Variants in MYH3 observed in about 807,000 individuals in gnomAD.
MYH3 encodes the protein myosin heavy chain 3.
Under a neutral mutation model 238.0 loss-of-function variants are expected in MYH3, and 130 were observed. The ratio of observed to expected loss-of-function variants is 0.55; its 90% CI spans 0.47 to 0.63. The LOEUF (loss-of-function observed/expected upper bound fraction) is 0.63. MYH3 is among the 30% of genes least tolerant of loss of function. The probability of loss-of-function intolerance (pLI) is 0.00; values close to 1 mark genes in which losing one functional copy is unlikely to be tolerated. For missense variants in MYH3, 1,853 were observed against 2,374.9 expected, an observed-to-expected ratio of 0.78 and a Z score of 4.57; for synonymous variants, 880 against 924.1, an observed-to-expected ratio of 0.95 and a Z score of 0.86.
chr17:10,647,118 C>A, intron 10 of MYH3, 64 bp downstream of exon 10: 1 of 1,179,318 alleles, frequency 8.5e-7, no homozygotes. Flanking sequence ...AGATACAACT[C>A]TCCTTGGTCT....
chr17:10,645,603 G>T, intron 12 of MYH3, 104 bp downstream of exon 12: 1 of 1,431,452 alleles, frequency 7.0e-7, no homozygotes, highest in African/African-American at 1.4e-5. Flanking sequence ...GATTACAGGT[G>T]TGAGCCACTG....
chr17:10,647,443 T>C lies in MYH3; in HGVS notation c.736-17A>G. ...GAACTTGCCCTGTATGGGGCGGGAT[T>C]CAGGGGGAGACCAGATTCTACCATG... On this transcript the variant is annotated splice_polypyrimidine_tract_variant and intron_variant, in intron 8 of 40. Transcript: ENST00000583535. 1.2e-6 allele frequency: 2 copies of C among 1,613,990 alleles called. No individual in the cohort carries two copies. Among genetic ancestry groups the C allele is most frequent in the African/African-American group, 2.7e-5 (2 of 75,064 alleles).
rs768983728 is a variant in MYH3 at position 10,634,089 on chromosome 17, T to C, written c.4450A>G (p.Lys1484Glu). Residue 1484 changes from lysine to glutamate, a missense_variant, in exon 32 of 41, where the codon AAA becomes GAA. Coordinates refer to ENST00000583535, the MANE Select transcript of MYH3 (RefSeq NM_002470.4). ...GCTTCCTCGTAGGCATTTTTCAGTT[T>C]GAAGAGCTCAGTGCTCAAGGAGCGG... ...ESRSLSTELF[K>E]LKNAYEEALD... is the part of the protein sequence containing the mutation. The C allele has an allele frequency of 1.1e-5, 18 of 1,614,244 alleles. No homozygotes were observed. Among genetic ancestry groups the C allele is most frequent in the Non-Finnish European group, 1.4e-5 (17 of 1,180,034 alleles).
intron 31 of MYH3, among the ~76,000 whole-genome samples, chr17:10,634,615 T>C (rs2142388183): frequency 6.6e-6 from 1 of 152,210 alleles, no homozygotes; most frequent in African/African-American, 2.4e-5. Context: ...ATTGTAGAAA[T>C]TGGTTTGTTT....
chr17:10,667,556 C>T, the MYH3 span, among the ~76,000 whole-genome samples: 1 of 151,958 alleles, frequency 6.6e-6, no homozygotes, highest in African/African-American at 2.4e-5. Context: ...TGACAGGCGC[C>T]TGTAGTCCCA....
At chr17:10,668,817 T>C in the MYH3 span, among the ~76,000 whole-genome samples, 4 of 152,218 alleles carry the variant, frequency 2.6e-5, no homozygotes, top group East Asian at 1.9e-4. Flanking sequence ...ACAAGTGAGG[T>C]TGAACCTCAG....
the MYH3 span, among the ~76,000 whole-genome samples, chr17:10,672,247 G>A: frequency 4.6e-5 from 7 of 152,108 alleles, no homozygotes; most frequent in South Asian, 1.2e-3. Flanking sequence ...TACTATCTTT[G>A]TTACATAGTA....
Position 10,644,506 on chromosome 17 carries a change from A to C in MYH3, c.1261-6T>G. 8.7e-6 allele frequency: 14 copies of C among 1,614,210 alleles called. No homozygotes were observed. The highest frequency in any genetic ancestry group is 1.2e-5 in the Non-Finnish European group (14 of 1,180,004). ...GCATTCACAGCATGGTGAACCTATC[A>C]GGGGAAAGATCAGCTACTGGATATG... On this transcript the variant is annotated splice_region_variant and splice_polypyrimidine_tract_variant and intron_variant, in intron 13 of 40. Coordinates refer to ENST00000583535, the MANE Select transcript of MYH3 (RefSeq NM_002470.4).
intron 40 of MYH3, among the ~76,000 whole-genome samples, chr17:10,629,215 T>C (rs531383457): frequency 5.3e-5 from 8 of 152,182 alleles, no homozygotes; most frequent in African/African-American, 1.9e-4. Flanking sequence ...GTGTGTGATG[T>C]TCCCCTCCCT....
At chr17:10,643,824 C>G (rs2074295417) in intron 14 of MYH3, among the ~76,000 whole-genome samples, 1 of 152,114 alleles carries the variant, frequency 6.6e-6, no homozygotes, top group African/African-American at 2.4e-5. Context: ...TGAAAATGTC[C>G]TTTAAAATTC....
At chr17:10,641,240 T>G in intron 18 of MYH3, 38 bp from the exon 19 acceptor site, 1 of 1,611,664 alleles carries the variant, frequency 6.2e-7, no homozygotes. Context: ...TACACAGAAT[T>G]TCTTAAAAAC....
At chr17:10,662,187 A>G (rs186213136), upstream of MYH3, among the ~76,000 whole-genome samples, 391 of 152,088 alleles carry the variant, frequency 2.6e-3, 1 homozygote, top group Non-Finnish European at 2.0e-3. Flanking sequence ...ATGCCAGGCT[A>G]ATTTTTGTAT....
Position 10,648,638 on chromosome 17 carries a change from T to C in MYH3, c.654A>G (p.Glu218=). The C allele has an allele frequency of 6.2e-7, 1 of 1,613,810 alleles. No individual in the cohort carries two copies. The highest frequency in any genetic ancestry group is 1.1e-5 in the South Asian group (1 of 91,072). Residue 218 remains glutamate, a synonymous_variant, in exon 8 of 41, where the codon GAA becomes GAG. Coordinates refer to ENST00000583535, the MANE Select transcript of MYH3 (RefSeq NM_002470.4). ...KKDSKMKGTL[E]DQIISANPLL... The stretch of plus-strand genomic sequence containing the variant: ...GGGGATTGGCACTGATGATTTGATC[T>C]TCCAGAGTCCCCTAATGCAAGAAAT...
At chr17:10,649,142 G>A (rs1361401815) in intron 7 of MYH3, among the ~76,000 whole-genome samples, 2 of 152,188 alleles carry the variant, frequency 1.3e-5, no homozygotes, top group Non-Finnish European at 2.9e-5. Flanking sequence ...TGTTATATTT[G>A]GCACTACAGT....
chr17:10,667,184 A>C, the MYH3 span, among the ~76,000 whole-genome samples: 4 of 152,226 alleles, frequency 2.6e-5, no homozygotes, highest in African/African-American at 9.6e-5. Flanking sequence ...TGATACGTGC[A>C]ATTTCCCTTC....
At chr17:10,667,700 A>G in the MYH3 span, among the ~76,000 whole-genome samples, 5,387 of 150,010 alleles carry the variant, frequency 0.036, 118 homozygotes, top group South Asian at 0.071. Flanking sequence ...AAAAAAAAAG[A>G]ATTAGAAAGG....
chr17:10,641,197 T>A lies in MYH3; in HGVS notation c.2053A>T (p.Met685Leu). 1 of 1,613,772 alleles carries A rather than the reference T, an allele frequency of 6.2e-7. No homozygotes were observed. The highest frequency in any genetic ancestry group is 8.5e-7 in the Non-Finnish European group (1 of 1,179,668). The change falls in exon 19 of 41, where the codon ATG becomes TTG. Residue 685 changes from methionine to leucine, a missense_variant. By Grantham distance (15) the Met-to-Leu change is conservative (BLOSUM62 2). Around this residue, in one of 3 missense-constraint regions of MYH3, gnomAD observed 678 missense variants for 1,058.9 expected, o/e 0.64. Transcript: ENST00000583535. ...IPNETKTPGA[M>L]EHSLVLHQLR... is the part of the protein sequence containing the mutation. The stretch of plus-strand genomic sequence containing the variant: ...TGGTGCAGAACAAGGCTGTGTTCCA[T>A]AGCCCCTGGGAACAGAAGCGAGATA...
the MYH3 span, among the ~76,000 whole-genome samples, chr17:10,666,626 C>T: frequency 6.6e-6 from 1 of 150,546 alleles, no homozygotes; most frequent in Non-Finnish European, 1.5e-5. Flanking sequence ...CATGGTGGTG[C>T]ATGCCTGCAG....
chr17:10,661,926 G>T (rs73974810), upstream of MYH3, among the ~76,000 whole-genome samples: 5,511 of 152,216 alleles, frequency 0.036, 111 homozygotes, highest in South Asian at 0.073. Flanking sequence ...AAAATGCCCA[G>T]AGTCTCAAGA....
Sources: allele counts gnomAD v4.1 joint callset (sites outside exome capture counted in the v4.1 genomes callset), GRCh38; gene constraint gnomAD v4.1.1; regional missense constraint gnomAD v4.1.1; transcripts MANE v1.5; gene names NCBI Gene and HGNC (gene_info 2026-07-23, HGNC 2026-07-21).